Variants in SGK3 observed in about 807,000 individuals in gnomAD.
SGK3 encodes the protein serine/threonine-protein kinase Sgk3.
SGK3 carries 47 observed loss-of-function variants against 68.5 expected under a neutral mutation model. The ratio of observed to expected loss-of-function variants is 0.69; its 90% CI spans 0.54 to 0.87. The LOEUF (loss-of-function observed/expected upper bound fraction) is 0.87, where lower values mean the gene tolerates loss of function less well. SGK3 is among the 40% of genes least tolerant of loss of function. The probability of loss-of-function intolerance (pLI) is 0.00; values close to 1 mark genes in which losing one functional copy is unlikely to be tolerated. For synonymous variants in SGK3, 181 were observed against 189.1 expected (o/e 0.96, Z 0.35); for missense variants, 479 against 575.5 (o/e 0.83, Z 1.72).
chr8:66,713,842 T>G (rs1251116091), intron 1 of SGK3, among the ~76,000 whole-genome samples: 1 of 152,206 alleles, frequency 6.6e-6, no homozygotes, highest in Non-Finnish European at 1.5e-5. Flanking sequence ...AGAGGAAGTT[T>G]TAGGCATGTT....
At chr8:66,843,581 T>G in intron 14 of SGK3, 34 bp downstream of exon 14, 5 of 1,582,020 alleles carry the variant, frequency 3.2e-6, no homozygotes, top group Non-Finnish European at 4.3e-6. Flanking sequence ...TTCCAATGTA[T>G]TATCATTGAT....
intron 5 of SGK3, among the ~76,000 whole-genome samples, chr8:66,816,102 C>G (rs1425542507): frequency 6.6e-6 from 1 of 150,746 alleles, no homozygotes; most frequent in Non-Finnish European, 1.5e-5. Flanking sequence ...TGGGTTCATG[C>G]CAGTCTCCTG....
intron 1 of SGK3, among the ~76,000 whole-genome samples, chr8:66,781,349 G>GT (rs1327342659): frequency 5.9e-5 from 9 of 152,028 alleles, no homozygotes; most frequent in East Asian, 5.8e-4. Flanking sequence ...GTAGTATTTT[G>GT]TTTTTTTGTT....
At chr8:66,751,919 C>T (rs1805829731) in intron 1 of SGK3, among the ~76,000 whole-genome samples, 1 of 152,022 alleles carries the variant, frequency 6.6e-6, no homozygotes, top group Non-Finnish European at 1.5e-5. Context: ...GCATAAGCCA[C>T]CACAGCCGGC....
Position 66,722,848 on chromosome 8 carries a change from C to T in SGK3, c.-122+10015C>T, listed in dbSNP as rs182697739. Among the ~76,000 whole-genome samples, 203 of 151,852 alleles carry T rather than the reference C, an allele frequency of 1.3e-3. 1 individual carries two copies. Among genetic ancestry groups the T allele is most frequent in the Non-Finnish European group, 2.3e-3 (155 of 67,930 alleles). ...ACATGAAGGGGGAATAGGGACATCA[C>T]GTGGCGAAAACAGGAGCAAGAGCAA... On this transcript the variant is annotated intron_variant, in intron 1 of 16. Transcript: ENST00000521198.
intron 3 of SGK3, among the ~76,000 whole-genome samples, chr8:66,800,606 C>G (rs1422675291): frequency 2.0e-5 from 3 of 151,858 alleles, no homozygotes; most frequent in Non-Finnish European, 4.4e-5. Context: ...ATAAATCAAA[C>G]AATGTCTAGC....
intron 1 of SGK3, among the ~76,000 whole-genome samples, chr8:66,731,755 C>T (rs1191343955): frequency 4.6e-5 from 7 of 152,082 alleles, no homozygotes; most frequent in African/African-American, 9.7e-5. Context: ...AGGATGGTCT[C>T]GATCTCCTGA....
At chr8:66,730,422 C>T (rs921630002) in intron 1 of SGK3, among the ~76,000 whole-genome samples, 1 of 151,670 alleles carries the variant, frequency 6.6e-6, no homozygotes, top group African/African-American at 2.4e-5. Context: ...TCTTGATTTC[C>T]TTGGAGCACA....
At chr8:66,806,588 G>A (rs111421591) in intron 4 of SGK3, among the ~76,000 whole-genome samples, 3,108 of 152,092 alleles carry the variant, frequency 0.02, 108 homozygotes, top group African/African-American at 0.069. Context: ...TGAGGTGGGC[G>A]GATCACTTGA....
At chr8:66,825,083 G>A (rs1805748705) in intron 6 of SGK3, among the ~76,000 whole-genome samples, 1 of 152,134 alleles carries the variant, frequency 6.6e-6, no homozygotes, top group African/African-American at 2.4e-5. Context: ...GTTATTTGAA[G>A]CCTATCTTGC....
At chr8:66,737,354 T>TA (rs879623634) in intron 1 of SGK3, 57 of 144,412 alleles carry the variant, frequency 3.9e-4, no homozygotes, top group Middle Eastern at 3.5e-3. Context: ...CCTCATCTCT[T>TA]AAAAAAAAAA....
At position 66,793,699 on chromosome 8, in the gene SGK3, C is replaced by T; in HGVS notation, c.-38C>T. 2 of 1,593,406 alleles carry T rather than the reference C, an allele frequency of 1.3e-6. No homozygotes were observed. Among genetic ancestry groups the T allele is most frequent in the Non-Finnish European group, 8.6e-7 (1 of 1,168,138 alleles). ...TGGGTTTGTCCTCTGCTGACTGTTT[C>T]TTCGGATGCATTTTTTGGTGTGCTC... On this transcript the variant is annotated 5_prime_UTR_variant, in exon 2 of 17. Transcript: ENST00000521198.
At chr8:66,810,202 A>G (rs1331119161) in intron 4 of SGK3, among the ~76,000 whole-genome samples, 2 of 152,088 alleles carry the variant, frequency 1.3e-5, no homozygotes, top group Admixed American at 6.6e-5. Context: ...TTAGAAATAC[A>G]CACTGATTTA....
intron 6 of SGK3, among the ~76,000 whole-genome samples, chr8:66,825,700 A>G (rs926898278): frequency 2.6e-5 from 4 of 152,180 alleles, no homozygotes; most frequent in African/African-American, 9.7e-5. Context: ...CACAGAGAAA[A>G]ATAGAGGCCA....
intron 5 of SGK3, among the ~76,000 whole-genome samples, chr8:66,818,449 T>C (rs1808683411): frequency 6.6e-6 from 1 of 152,196 alleles, no homozygotes; most frequent in Non-Finnish European, 1.5e-5. Flanking sequence ...AGTGCCCAGA[T>C]CAGGACTGTA....
intron 1 of SGK3, among the ~76,000 whole-genome samples, chr8:66,781,259 C>T (rs1806963801): frequency 6.6e-6 from 1 of 152,208 alleles, no homozygotes; most frequent in Non-Finnish European, 1.5e-5. Context: ...CCACTGCTAC[C>T]ATCTCTACCA....
intron 1 of SGK3, among the ~76,000 whole-genome samples, chr8:66,745,814 T>C (rs76362117): frequency 1.3e-5 from 2 of 152,294 alleles, no homozygotes; most frequent in East Asian, 1.9e-4. Context: ...GAATGCTGCA[T>C]TCTCCAGAAG....
intron 1 of SGK3, among the ~76,000 whole-genome samples, chr8:66,757,345 C>T (rs942076985): frequency 4.0e-5 from 6 of 151,664 alleles, no homozygotes; most frequent in Non-Finnish European, 8.8e-5. Flanking sequence ...CACCATGTTA[C>T]CCAAGCTGGT....
intron 8 of SGK3, among the ~76,000 whole-genome samples, chr8:66,834,201 T>C (rs926932395): frequency 6.6e-6 from 1 of 151,176 alleles, no homozygotes; most frequent in Non-Finnish European, 1.5e-5. Flanking sequence ...TTGTAGTGTG[T>C]CATATAATGG....
Sources: allele counts gnomAD v4.1 joint callset (sites outside exome capture counted in the v4.1 genomes callset), GRCh38; gene constraint gnomAD v4.1.1; transcripts MANE v1.5; gene names NCBI Gene and HGNC (gene_info 2026-07-23, HGNC 2026-07-21).